The following MPC1 variants were observed in gnomAD, a reference collection of about 807,000 sequenced individuals.
MPC1 encodes HSPC040 protein.
Under a neutral mutation model 13.9 loss-of-function variants are expected in MPC1, and 6 were observed. That is an observed-to-expected ratio of 0.43 (90% confidence interval 0.24 to 0.85). The LOEUF (loss-of-function observed/expected upper bound fraction) is 0.85. MPC1 is among the 40% of genes least tolerant of loss of function. The probability of loss-of-function intolerance (pLI) is 0.24; values close to 1 mark genes in which losing one functional copy is unlikely to be tolerated. For synonymous variants in MPC1, 47 were observed against 50.5 expected, an observed-to-expected ratio of 0.93 and a Z score of 0.29; for missense variants, 115 against 143.3, an observed-to-expected ratio of 0.80 and a Z score of 1.01.
intron 1 of MPC1, among the ~76,000 whole-genome samples, chr6:166,374,114 G>A (rs913441124): frequency 3.3e-5 from 5 of 152,014 alleles, no homozygotes; most frequent in Non-Finnish European, 7.4e-5. Context: ...AGCCTCCCAA[G>A]TAGCTGGGAT....
chr6:166,382,779 C>A, intron 1 of MPC1, 27 bp downstream of exon 1: 1 of 1,565,620 alleles, frequency 6.4e-7, no homozygotes, highest in South Asian at 1.2e-5. Flanking sequence ...CTCCGGGTTG[C>A]GGGGTTCGGC....
intron 1 of MPC1, among the ~76,000 whole-genome samples, chr6:166,380,939 C>CAAAAAA (rs1175434820): frequency 3.2e-3 from 152 of 47,550 alleles, no homozygotes; most frequent in African/African-American, 3.8e-3. Context: ...AACTCTGTCT[C>CAAAAAA]AAAAAAAAAA....
intron 2 of MPC1, among the ~76,000 whole-genome samples, chr6:166,367,654 G>A (rs978436846): frequency 1.3e-5 from 2 of 152,240 alleles, no homozygotes; most frequent in East Asian, 3.9e-4. Context: ...AATAAAATAA[G>A]GCTTGTGGCT....
intron 1 of MPC1, among the ~76,000 whole-genome samples, chr6:166,372,906 T>G (rs1333617151): frequency 6.6e-6 from 1 of 152,242 alleles, no homozygotes; most frequent in African/African-American, 2.4e-5. Flanking sequence ...TAGACTTTCT[T>G]GGGTTCACTT....
intron 2 of MPC1, among the ~76,000 whole-genome samples, chr6:166,369,218 A>G (rs1224428518): frequency 2.6e-5 from 4 of 152,186 alleles, no homozygotes; most frequent in Non-Finnish European, 5.9e-5. Flanking sequence ...CCTGACCAAC[A>G]TGGTGAAACC....
chr6:166,377,751 C>T (rs1419131613), intron 1 of MPC1, among the ~76,000 whole-genome samples: 1 of 152,052 alleles, frequency 6.6e-6, no homozygotes, highest in Non-Finnish European at 1.5e-5. Context: ...ATTTAGCGAG[C>T]CAAAAGTCAG....
chr6:166,377,811 A>G (rs1459856816), intron 1 of MPC1, among the ~76,000 whole-genome samples: 1 of 152,204 alleles, frequency 6.6e-6, no homozygotes, highest in East Asian at 1.9e-4. Flanking sequence ...ATATTAAGAG[A>G]TTCTTATGGC....
chr6:166,381,676 A>G, intron 1 of MPC1: 1 of 298,972 alleles, frequency 3.3e-6, no homozygotes, highest in South Asian at 1.3e-4. Context: ...GGTGCAAATA[A>G]ATTATAGAAA....
At chr6:166,367,180 T>C (rs749640399) in intron 2 of MPC1, 2 of 1,243,452 alleles carry the variant, frequency 1.6e-6, no homozygotes, top group East Asian at 4.4e-5. Context: ...TCATCTCTGA[T>C]TGTCCTATTT....
In MPC1 at chr6:166,365,310, G is replaced by T; in HGVS notation, c.*119C>A. On this transcript the variant is annotated 3_prime_UTR_variant, in exon 5 of 5. Coordinates refer to ENST00000360961, the MANE Select transcript of MPC1 (RefSeq NM_016098.4). This position sits in a 1 kb window ranked among gnomAD's most constrained non-coding sequence, Gnocchi z 4.2. ...TCAGCTATTTCTATAAAAATAGAAT[G>T]GTTAGTAAAAATAGCATTCAGTGTA... 2.6e-6 allele frequency: 2 copies of T among 763,600 alleles called. No individual in the cohort carries two copies. The highest frequency in any genetic ancestry group is 3.8e-6 in the Non-Finnish European group (2 of 526,606). 47.3% of individuals were successfully genotyped at this position (763,600 alleles called of 1,614,324 possible). A position where few individuals can be genotyped will look rare whatever the true frequency, so the allele number is the denominator to read the frequency against.
At position 166,370,527 on chromosome 6, in the gene MPC1, G is replaced by A. The variant is rs115994102; in HGVS notation, c.72-306C>T. ...CAAGGCAGAAATACAAGCCACGTAC[G>A]TAATTTACAACTTCTAGAAGCCACA... On this transcript the variant is annotated intron_variant, in intron 1 of 4. Transcript: ENST00000360961. Among the ~76,000 whole-genome samples, 352 of 152,306 alleles carry A rather than the reference G, an allele frequency of 2.3e-3. 2 individuals carry two copies. Among genetic ancestry groups the A allele is most frequent in the African/African-American group, 8.0e-3 (332 of 41,570 alleles).
intron 1 of MPC1, among the ~76,000 whole-genome samples, chr6:166,374,659 C>T (rs1035680924): frequency 9.9e-5 from 15 of 152,174 alleles, no homozygotes; most frequent in Admixed American, 2.6e-4. Context: ...GCCCAGTTGT[C>T]GCAGCACAAT....
chr6:166,377,381 G>A (rs1779609108), intron 1 of MPC1, among the ~76,000 whole-genome samples: 1 of 152,112 alleles, frequency 6.6e-6, no homozygotes, highest in Non-Finnish European at 1.5e-5. Flanking sequence ...GGACATGGTG[G>A]AGGCAGAAGT....
intron 1 of MPC1, among the ~76,000 whole-genome samples, chr6:166,370,755 C>G (rs1779349052): frequency 6.6e-6 from 1 of 151,816 alleles, no homozygotes; most frequent in Non-Finnish European, 1.5e-5. Context: ...TGTTTGAGCC[C>G]AGGAGTTCAA....
At chr6:166,382,245 GGCGTCCCCAT>G (rs1779819247) in intron 1 of MPC1, among the ~76,000 whole-genome samples, 1 of 151,604 alleles carries the variant, frequency 6.6e-6, no homozygotes, top group African/African-American at 2.4e-5. Context: ...TGCCGGGAGA[GGCGTCCCCAT>G]GGTCACCCTG....
intron 2 of MPC1, 140 bp downstream of exon 2, chr6:166,370,078 C>T (rs1169794424): frequency 2.7e-6 from 2 of 742,644 alleles, no homozygotes; most frequent in African/African-American, 3.4e-5. Context: ...GGCCAGGGTG[C>T]AGTAGGCACC....
intron 1 of MPC1, among the ~76,000 whole-genome samples, chr6:166,371,710 C>G (rs1012056063): frequency 6.6e-6 from 1 of 152,084 alleles, no homozygotes; most frequent in Admixed American, 6.6e-5. Context: ...TGCTTGAAAC[C>G]GTGGATAATA....
At chr6:166,378,504 G>T (rs1030776299) in intron 1 of MPC1, among the ~76,000 whole-genome samples, 12 of 151,916 alleles carry the variant, frequency 7.9e-5, no homozygotes, top group Admixed American at 2.6e-4. Context: ...CTAGAATAAA[G>T]CTGCACAGAC....
chr6:166,373,923 A>G (rs1233115924), intron 1 of MPC1, among the ~76,000 whole-genome samples: 1 of 152,164 alleles, frequency 6.6e-6, no homozygotes, highest in Non-Finnish European at 1.5e-5. Context: ...GTATCTGCTT[A>G]AGTCTTCGGC....
Sources: allele counts gnomAD v4.1 joint callset (sites outside exome capture counted in the v4.1 genomes callset), GRCh38; gene constraint gnomAD v4.1.1; non-coding constraint Gnocchi (gnomAD v3.1); transcripts MANE v1.5; gene names NCBI Gene and HGNC (gene_info 2026-07-23, HGNC 2026-07-21).